The following THRB variants were observed in gnomAD, a reference collection of about 807,000 sequenced individuals.
The protein encoded by THRB is nuclear receptor subfamily 1 group A member 2.
THRB carries 12 observed loss-of-function variants against 47.8 expected under a neutral mutation model. The ratio of observed to expected loss-of-function variants is 0.25; its 90% CI spans 0.16 to 0.41. THRB has a LOEUF of 0.41. THRB is among the 10% of genes least tolerant of loss of function. The pLI is 1.00. For missense variants in THRB, 348 were observed against 589.2 expected (o/e 0.59, Z 4.24); for synonymous variants, 218 against 212.2 (o/e 1.03, Z -0.24).
At position 24,135,847 on chromosome 3, in the gene THRB, A is replaced by ATATATATATATATAAATT. The variant is rs371175625; in HGVS notation, c.739-2386_739-2385insAATTTATATATATATATA. On this transcript the variant is annotated intron_variant, in intron 8 of 10. Coordinates refer to ENST00000646209, the MANE Select transcript of THRB (RefSeq NM_001354712.2). ...TATATATATATATATATATATATAT[A>ATATATATATATATAAATT]ATACATAAATATATATTAATTACAT... is the stretch of plus-strand genomic sequence containing the variant. 4.6e-4 allele frequency among the ~76,000 whole-genome samples: 60 copies of ATATATATATATATAAATT among 130,972 alleles called. 2 individuals are homozygous for ATATATATATATATAAATT. Among genetic ancestry groups the ATATATATATATATAAATT allele is most frequent in the Middle Eastern group, 3.7e-3 (1 of 270 alleles). The allele number at this position is 130,972 out of a possible 152,430, so 85.9% of individuals were successfully genotyped here.
Position 24,281,197 on chromosome 3 carries a change from G to A in THRB, c.-43+16029C>T, listed in dbSNP as rs552305065. ...AAGGGCAGCCAGAGACAAAGGTCGG[G>A]TTACCCTCAAAGGGAAGCCCATCAG... is the stretch of plus-strand genomic sequence containing the variant. On this transcript the variant is annotated intron_variant, in intron 3 of 10. Transcript: ENST00000646209. Among the ~76,000 whole-genome samples the A allele has an allele frequency of 8.5e-5, 13 of 152,214 alleles. No individual in the cohort carries two copies. The East Asian group carries it at 2.5e-3, about 29-fold the overall frequency.
chr3:24,355,889 C>G (rs558748735), intron 1 of THRB, among the ~76,000 whole-genome samples: 1 of 152,206 alleles, frequency 6.6e-6, no homozygotes, highest in African/African-American at 2.4e-5. Flanking sequence ...TGAAAAATAC[C>G]TTCATTCTAT....
At chr3:24,437,763 TA>T (rs1387484767) in intron 1 of THRB, among the ~76,000 whole-genome samples, 6 of 152,044 alleles carry the variant, frequency 3.9e-5, no homozygotes, top group Admixed American at 1.3e-4. Context: ...AGAAAGGAGA[TA>T]CAGGGAAGAA....
chr3:24,269,403 G>GCGCACACACACA (rs1175063428), intron 3 of THRB, among the ~76,000 whole-genome samples: 1 of 72,634 alleles, frequency 1.4e-5, no homozygotes, highest in African/African-American at 4.4e-5. Flanking sequence ...GCGCGCGCGC[G>GCGCACACACACA]CACACACACA....
At chr3:24,226,216 G>A (rs2150058143) in intron 4 of THRB, among the ~76,000 whole-genome samples, 1 of 152,244 alleles carries the variant, frequency 6.6e-6, no homozygotes, top group Non-Finnish European at 1.5e-5. Context: ...TATCTATTAT[G>A]CTTTTCAAAG....
intron 4 of THRB, among the ~76,000 whole-genome samples, chr3:24,207,858 G>A (rs2045566354): frequency 6.6e-6 from 1 of 152,184 alleles, no homozygotes; most frequent in Non-Finnish European, 1.5e-5. Context: ...CAATCAGGCA[G>A]GAGAAAGAAA....
chr3:24,396,462 A>G (rs998153028), intron 1 of THRB, among the ~76,000 whole-genome samples: 2 of 152,130 alleles, frequency 1.3e-5, no homozygotes, highest in African/African-American at 4.8e-5. Flanking sequence ...GTTTCAATAG[A>G]TGACATCTTT....
At chr3:24,303,163 G>GC (rs796267660) in intron 2 of THRB, among the ~76,000 whole-genome samples, 22 of 151,328 alleles carry the variant, frequency 1.5e-4, no homozygotes, top group African/African-American at 5.2e-4. Context: ...ATCCTTATTT[G>GC]TTTTTCACTT....
At chr3:24,363,744 C>T (rs1424392143) in intron 1 of THRB, among the ~76,000 whole-genome samples, 1 of 152,100 alleles carries the variant, frequency 6.6e-6, no homozygotes, top group Admixed American at 6.6e-5. Context: ...ATACTAGTGA[C>T]TTGACATTTT....
intron 2 of THRB, among the ~76,000 whole-genome samples, chr3:24,299,402 C>A (rs1049339294): frequency 4.0e-5 from 6 of 151,810 alleles, no homozygotes; most frequent in Admixed American, 3.3e-4. Context: ...AGTTCTCCAG[C>A]CTTGCCTGGG....
At chr3:24,474,769 G>C (rs1378775945) in intron 1 of THRB, among the ~76,000 whole-genome samples, 1 of 152,152 alleles carries the variant, frequency 6.6e-6, no homozygotes, top group Non-Finnish European at 1.5e-5. Context: ...TAATGGAACT[G>C]GAAGTACAGG....
chr3:24,254,951 G>A (rs984462916), intron 3 of THRB, among the ~76,000 whole-genome samples: 5 of 152,142 alleles, frequency 3.3e-5, no homozygotes, highest in African/African-American at 4.8e-5. Context: ...TGAATCAGAA[G>A]CCACTAGTTT....
At chr3:24,429,616 A>G (rs966521726) in intron 1 of THRB, among the ~76,000 whole-genome samples, 16 of 152,102 alleles carry the variant, frequency 1.1e-4, no homozygotes, top group Non-Finnish European at 2.2e-4. Context: ...AGTTGACATA[A>G]TCATGTTTCA....
intron 3 of THRB, among the ~76,000 whole-genome samples, chr3:24,265,471 T>C (rs1245222108): frequency 6.6e-6 from 1 of 152,230 alleles, no homozygotes; most frequent in African/African-American, 2.4e-5. Context: ...GAGGGACATA[T>C]ATTTAAATTT....
chr3:24,428,744 A>C (rs2070043057), intron 1 of THRB, among the ~76,000 whole-genome samples: 1 of 152,064 alleles, frequency 6.6e-6, no homozygotes, highest in South Asian at 2.1e-4. Flanking sequence ...TGTTAGCATT[A>C]GACAAAGAGG....
chr3:24,165,447 G>A, intron 5 of THRB: 2 of 670,260 alleles, frequency 3.0e-6, no homozygotes, highest in African/African-American at 1.8e-5. Flanking sequence ...GGGCATATAC[G>A]CAGAGAAGCA....
At chr3:24,255,539 C>G (rs2051170335) in intron 3 of THRB, among the ~76,000 whole-genome samples, 1 of 152,136 alleles carries the variant, frequency 6.6e-6, no homozygotes, top group African/African-American at 2.4e-5. Context: ...ATAAGGCTTT[C>G]TAGACAAAGT....
chr3:24,481,237 T>TTTG (rs575289564), intron 1 of THRB, among the ~76,000 whole-genome samples: 5 of 138,136 alleles, frequency 3.6e-5, no homozygotes, highest in Admixed American at 3.6e-4. Flanking sequence ...CTGTTTTTTT[T>TTTG]TTTTTTTTTT....
At chr3:24,477,548 C>A (rs1695671452) in intron 1 of THRB, among the ~76,000 whole-genome samples, 1 of 152,026 alleles carries the variant, frequency 6.6e-6, no homozygotes, top group Non-Finnish European at 1.5e-5. Context: ...TACTGCTGGT[C>A]TGGGGGCACC....
Sources: gnomAD v4.1 joint callset for allele counts (sites outside exome capture counted in the v4.1 genomes callset) on GRCh38, gnomAD v4.1.1 for gene constraint, MANE v1.5 for transcripts, NCBI Gene and HGNC (gene_info 2026-07-23, HGNC 2026-07-21) for gene names.